Variants in KIF24 observed in about 807,000 individuals in gnomAD.
The protein encoded by KIF24 is kinesin family member 24.
A neutral mutation model predicts 118.9 loss-of-function variants in KIF24; 81 were observed. The ratio of observed to expected loss-of-function variants is 0.68; its 90% CI spans 0.57 to 0.82. The LOEUF is 0.82. KIF24 is among the 40% of genes least tolerant of loss of function. KIF24 has a pLI of 0.00. For synonymous variants in KIF24, 599 were observed against 610.0 expected, an observed-to-expected ratio of 0.98 and a Z score of 0.27; for missense variants, 1,560 against 1,661.6, an observed-to-expected ratio of 0.94 and a Z score of 1.06.
intron 8 of KIF24, among the ~76,000 whole-genome samples, chr9:34,268,192 G>C (rs543922358): frequency 3.3e-5 from 5 of 152,156 alleles, no homozygotes; most frequent in African/African-American, 1.2e-4. Flanking sequence ...ATGGAGTCTT[G>C]CTCTGTTGTT....
At chr9:34,320,880 T>C (rs1837498683) in intron 1 of KIF24, among the ~76,000 whole-genome samples, 1 of 152,196 alleles carries the variant, frequency 6.6e-6, no homozygotes, top group Admixed American at 6.5e-5. Context: ...TTAGACAGGC[T>C]TACCAGGATA....
intron 2 of KIF24, 21 bp from the exon 3 acceptor site, chr9:34,306,462 C>A: frequency 6.7e-7 from 1 of 1,491,270 alleles, no homozygotes; most frequent in Non-Finnish European, 9.1e-7. Context: ...TATAAACAGG[C>A]TTTTAATTTT....
At chr9:34,300,114 A>G (rs1439888636) in intron 3 of KIF24, among the ~76,000 whole-genome samples, 1 of 152,196 alleles carries the variant, frequency 6.6e-6, no homozygotes, top group Non-Finnish European at 1.5e-5. Flanking sequence ...GAAACTTGTT[A>G]GATTGTCTAA....
intron 3 of KIF24, among the ~76,000 whole-genome samples, chr9:34,298,263 G>A (rs1160338582): frequency 1.3e-5 from 2 of 152,072 alleles, no homozygotes; most frequent in South Asian, 4.1e-4. Context: ...GTGAAACAGA[G>A]GCCGGGCGCA....
At chr9:34,263,066 A>T (rs749165593) in intron 9 of KIF24, 35 bp downstream of exon 9, 2 of 1,503,754 alleles carry the variant, frequency 1.3e-6, no homozygotes, top group South Asian at 2.3e-5. Flanking sequence ...AAAGGAATGA[A>T]TCAGAACAAA....
chr9:34,325,982 A>G (rs556883711), intron 1 of KIF24, among the ~76,000 whole-genome samples: 93 of 152,352 alleles, frequency 6.1e-4, no homozygotes, highest in African/African-American at 2.1e-3. Context: ...AGGAAACTTT[A>G]TCCAATCTTC....
Position 34,257,178 on chromosome 9 carries a change from G to T in KIF24, c.2429C>A (p.Ser810Tyr). Residue 810 changes from serine to tyrosine, a missense_variant, in exon 11 of 13, where the codon TCT becomes TAT. Physicochemically the swap from Ser to Tyr is moderately radical, Grantham distance 144. This residue lies in a region of KIF24 where 964 missense variants were observed against 988.0 expected (regional missense o/e 0.98). Coordinates refer to ENST00000402558, the MANE Select transcript of KIF24 (RefSeq NM_194313.4). ...GGCTCCATCATGGTTTTCAGAGTAA[G>T]AGTGGAACAGAGGCGGAGTCTCATT... is the stretch of plus-strand genomic sequence containing the variant. ...LTNETPPLFHSYSENHDGAQV... is the reference protein window; with the variant it reads ...LTNETPPLFHYYSENHDGAQV... 1.2e-6 allele frequency: 2 copies of T among 1,614,050 alleles called. No individual in the cohort carries two copies. The highest frequency in any genetic ancestry group is 1.7e-6 in the Non-Finnish European group (2 of 1,179,884).
rs772997925 is a variant in KIF24 at position 34,311,063 on chromosome 9, C to T, written c.284G>A (p.Arg95His). The T allele has an allele frequency of 8.9e-5, 144 of 1,613,700 alleles. No individual in the cohort carries two copies. The highest frequency in any genetic ancestry group is 4.5e-4 in the Admixed American group (27 of 59,972). The change falls in exon 2 of 13, where the codon CGC (arginine) becomes CAC (histidine). Residue 95 changes from arginine to histidine, a missense_variant. Coordinates refer to ENST00000402558, the MANE Select transcript of KIF24 (RefSeq NM_194313.4). The part of the protein sequence containing the change: ...IKSQELRSGP[R>H]RQLNFDSPAD... Reference sequence around the variant, plus strand: ...AGGAGAATCAAAATTCAGCTGTCTGCGAGGGCCAGATCTTAATTCCTGAGA... The same window carrying T: ...AGGAGAATCAAAATTCAGCTGTCTGTGAGGGCCAGATCTTAATTCCTGAGA...
intron 7 of KIF24, among the ~76,000 whole-genome samples, chr9:34,271,401 T>G (rs1479543588): frequency 6.6e-6 from 1 of 151,608 alleles, no homozygotes; most frequent in Non-Finnish European, 1.5e-5. Context: ...TCCATCAGTG[T>G]GGCAGATTAT....
chr9:34,327,763 C>A (rs566176255), intron 1 of KIF24, among the ~76,000 whole-genome samples: 4 of 151,672 alleles, frequency 2.6e-5, no homozygotes, highest in African/African-American at 9.7e-5. Flanking sequence ...TAGATTCAGG[C>A]GTTCAAGGCT....
At chr9:34,289,891 C>T (rs1836187129) in intron 5 of KIF24, among the ~76,000 whole-genome samples, 1 of 152,092 alleles carries the variant, frequency 6.6e-6, no homozygotes, top group African/African-American at 2.4e-5. Flanking sequence ...TTCCTGACTT[C>T]CTGAAATTAT....
At chr9:34,273,477 A>T (rs921920656) in intron 6 of KIF24, among the ~76,000 whole-genome samples, 3 of 94,858 alleles carry the variant, frequency 3.2e-5, no homozygotes, top group Non-Finnish European at 4.2e-5. Flanking sequence ...TACTGTTGGG[A>T]TAAGGCAAAG....
rs1381291933 is a variant in KIF24, at chr9:34,256,746, C to G, written c.2861G>C (p.Gly954Ala). ...VDFIYRQERG[G>A]GSSFDLRKDA... is the part of the protein sequence containing the mutation. ...CTTTCTGAGATCAAAGGAAGAGCCT[C>G]CACCTCTTTCCTGTCTATATATGAA... The change falls in exon 11 of 13, where the codon GGA (glycine) becomes GCA (alanine). Residue 954 changes from glycine to alanine, a missense_variant. By Grantham distance (60) the Gly-to-Ala change is moderately conservative. This residue lies in a region of KIF24 where 591 missense variants were observed against 655.6 expected (regional missense o/e 0.90). Coordinates refer to ENST00000402558, the MANE Select transcript of KIF24 (RefSeq NM_194313.4). 2 of 1,613,860 alleles carry G rather than the reference C, an allele frequency of 1.2e-6. No homozygotes were observed. Among genetic ancestry groups the G allele is most frequent in the African/African-American group, 1.3e-5 (1 of 74,912 alleles).
Position 34,254,433 on chromosome 9 carries a change from A to G in KIF24, c.4054T>C (p.Tyr1352His), listed in dbSNP as rs756067413. Reference protein sequence around the residue: ...IQSLRSQLQLYLTCHGPTAAP... With the variant: ...IQSLRSQLQLHLTCHGPTAAP... ...GCGGTGGGCCCGTGGCAGGTGAGAT[A>G]GAGCTGCAGCTGGCTCCTCAGACTC... The change falls in exon 13 of 13, where the codon TAT becomes CAT. Residue 1352 changes from tyrosine to histidine, a missense_variant. Tyr to His is a moderately conservative substitution (Grantham distance 83). Transcript: ENST00000402558. 3.1e-6 allele frequency: 5 copies of G among 1,613,930 alleles called. No homozygotes were observed. The East Asian group carries it at 6.7e-5, about 22-fold the overall frequency.
chr9:34,276,402 CAAAA>C (rs11419785), intron 6 of KIF24, among the ~76,000 whole-genome samples: 2 of 80,692 alleles, frequency 2.5e-5, no homozygotes, highest in Non-Finnish European at 2.6e-5. Flanking sequence ...AACTGCATCT[CAAAA>C]AAAAAAAAAA....
chr9:34,303,544 C>T (rs1180433999), intron 3 of KIF24, among the ~76,000 whole-genome samples: 1 of 152,058 alleles, frequency 6.6e-6, no homozygotes, highest in East Asian at 1.9e-4. Flanking sequence ...CTTTTGTACT[C>T]ATATTTATAA....
In KIF24 at chr9:34,292,498, T is replaced by G. The variant is rs970266892; in HGVS notation, c.912-2109A>C. Among the ~76,000 whole-genome samples the G allele has an allele frequency of 3.3e-5, 5 of 152,192 alleles. No homozygotes were observed. The East Asian group carries it at 9.6e-4, about 29-fold the overall frequency. On this transcript the variant is annotated intron_variant, in intron 4 of 12. Transcript: ENST00000402558. Reference sequence around the variant, plus strand: ...CGTTCTTAACTTTGGCAAATAAATCTACAATGATTGAGACTTGCCTGGGTC... The same window carrying G: ...CGTTCTTAACTTTGGCAAATAAATCGACAATGATTGAGACTTGCCTGGGTC...
At position 34,257,481 on chromosome 9, in the gene KIF24, A is replaced by G. The variant is rs776415371; in HGVS notation, c.2126T>C (p.Val709Ala). 1 of 1,614,046 alleles carries G rather than the reference A, an allele frequency of 6.2e-7. No homozygotes were observed. Among genetic ancestry groups the G allele is most frequent in the South Asian group, 1.1e-5 (1 of 91,088 alleles). The change falls in exon 11 of 13, where the codon GTG (valine) becomes GCG (alanine). Residue 709 changes from valine (V) to alanine (A), a missense_variant. Physicochemically the swap from Val to Ala is moderately conservative, Grantham distance 64. Coordinates refer to ENST00000402558, the MANE Select transcript of KIF24 (RefSeq NM_194313.4). ...CACAAGCTGCTTCTGTACTGGCTGC[A>G]CTGTCTGCACTTTCTTGCACTTGGT... is the stretch of plus-strand genomic sequence containing the variant. ...LSTKCKKVQT[V>A]QPVQKQLVSR... is the part of the protein sequence containing the mutation.
Position 34,290,169 on chromosome 9 carries a change from A to G in KIF24, c.1127+5T>C, listed in dbSNP as rs776518800. On this transcript the variant is annotated splice_donor_5th_base_variant and intron_variant, in intron 5 of 12. Coordinates refer to ENST00000402558, the MANE Select transcript of KIF24 (RefSeq NM_194313.4). ...GATTTATCGCTTCCCACTCATATTC[A>G]GTACCTTTTTCTTCTATTTAGGAGG... is the stretch of plus-strand genomic sequence containing the variant. The G allele has an allele frequency of 1.3e-6, 2 of 1,598,058 alleles. No individual in the cohort carries two copies. The highest frequency in any genetic ancestry group is 1.3e-5 in the African/African-American group (1 of 74,526).
Sources: gnomAD v4.1 joint callset for allele counts (sites outside exome capture counted in the v4.1 genomes callset) on GRCh38, gnomAD v4.1.1 for gene constraint, gnomAD v4.1.1 regional missense constraint, MANE v1.5 for transcripts, NCBI Gene and HGNC (gene_info 2026-07-23, HGNC 2026-07-21) for gene names.